CDKAL1: variants seen among roughly 807,000 people sequenced by gnomAD.
CDKAL1 encodes the protein threonylcarbamoyladenosine tRNA methylthiotransferase.
CDKAL1 carries 32 observed loss-of-function variants against 68.2 expected under a neutral mutation model. The ratio of observed to expected loss-of-function variants is 0.47; its 90% confidence interval spans 0.35 to 0.63. The LOEUF is 0.63. Ranked by LOEUF, CDKAL1 falls within the 30% of genes least tolerant of loss-of-function variation. The pLI is 0.00. For synonymous variants in CDKAL1, 234 were observed against 244.3 expected, an observed-to-expected ratio of 0.96 and a Z score of 0.39; for missense variants, 606 against 696.7, an observed-to-expected ratio of 0.87 and a Z score of 1.47.
intron 13 of CDKAL1, among the ~76,000 whole-genome samples, chr6:21,191,368 A>G (rs1011680485): frequency 7.9e-5 from 12 of 152,208 alleles, no homozygotes; most frequent in African/African-American, 2.9e-4. Context: ...GCACTTGGGA[A>G]ATTTAAGCAT....
rs148321222 is a variant in CDKAL1 at position 20,540,580 on chromosome 6, C to T, written c.-6+5186C>T. Among the ~76,000 whole-genome samples the T allele has an allele frequency of 4.2e-3, 632 of 151,940 alleles. 7 individuals are homozygous for T. Among genetic ancestry groups the T allele is most frequent in the African/African-American group, 0.014 (595 of 41,410 alleles). ...AAGCGGTTCTTCTGTTTCAGTCTCC[C>T]GAGTAGGTGGGATTGCAGGTGCCCA... On this transcript the variant is annotated intron_variant, in intron 2 of 15. Coordinates refer to ENST00000274695, the MANE Select transcript of CDKAL1 (RefSeq NM_017774.3).
At chr6:21,143,249 T>C (rs1276385088) in intron 13 of CDKAL1, among the ~76,000 whole-genome samples, 1 of 152,208 alleles carries the variant, frequency 6.6e-6, no homozygotes, top group East Asian at 1.9e-4. Context: ...ATACCCTAAA[T>C]TAGGAAAGTT....
intron 4 of CDKAL1, among the ~76,000 whole-genome samples, chr6:20,555,506 A>G (rs1763999399): frequency 6.6e-6 from 1 of 151,236 alleles, no homozygotes; most frequent in Non-Finnish European, 1.5e-5. Flanking sequence ...TTTTTAGTGG[A>G]GACGGGGTTT....
At chr6:21,192,718 T>C (rs931492733) in intron 13 of CDKAL1, among the ~76,000 whole-genome samples, 6 of 152,144 alleles carry the variant, frequency 3.9e-5, no homozygotes, top group Non-Finnish European at 8.8e-5. Flanking sequence ...CATCATTTTA[T>C]TTAACCAGCC....
At chr6:20,697,116 T>C (rs535820722) in intron 5 of CDKAL1, among the ~76,000 whole-genome samples, 1 of 152,278 alleles carries the variant, frequency 6.6e-6, no homozygotes, top group Non-Finnish European at 1.5e-5. Flanking sequence ...GCTGTTCTTT[T>C]CTAGGGCTGG....
At chr6:20,722,850 A>C (rs1046225841) in intron 5 of CDKAL1, among the ~76,000 whole-genome samples, 2 of 152,118 alleles carry the variant, frequency 1.3e-5, no homozygotes, top group Admixed American at 1.3e-4. Flanking sequence ...AGAGAGAGAC[A>C]GACAGCCAGA....
intron 10 of CDKAL1, among the ~76,000 whole-genome samples, chr6:20,966,930 A>T (rs940698420): frequency 6.6e-6 from 1 of 151,986 alleles, no homozygotes; most frequent in African/African-American, 2.4e-5. Context: ...TTCTTCCATT[A>T]TTGCGTTTGT....
At chr6:20,678,807 TTAAA>T (rs1273801122) in intron 5 of CDKAL1, among the ~76,000 whole-genome samples, 1 of 152,192 alleles carries the variant, frequency 6.6e-6, no homozygotes, top group East Asian at 1.9e-4. Context: ...GTTTTTTTCT[TTAAA>T]TAAATAAAGT....
At chr6:21,081,381 C>T (rs1164556773) in intron 12 of CDKAL1, among the ~76,000 whole-genome samples, 1 of 151,814 alleles carries the variant, frequency 6.6e-6, no homozygotes, top group Admixed American at 6.6e-5. Context: ...GATTACATAC[C>T]TTGTTTTATA....
intron 8 of CDKAL1, among the ~76,000 whole-genome samples, chr6:20,796,694 G>A (rs918534449): frequency 6.6e-6 from 1 of 152,148 alleles, no homozygotes; most frequent in East Asian, 1.9e-4. Flanking sequence ...ATGCAAATAT[G>A]GGCAGTTGAT....
At chr6:20,842,823 C>T (rs1158054151) in intron 8 of CDKAL1, among the ~76,000 whole-genome samples, 1 of 152,154 alleles carries the variant, frequency 6.6e-6, no homozygotes. Flanking sequence ...AGGAACGAAA[C>T]TCCGTCTCAA....
At chr6:20,858,051 T>G (rs760462668) in intron 9 of CDKAL1, among the ~76,000 whole-genome samples, 2 of 152,062 alleles carry the variant, frequency 1.3e-5, no homozygotes, top group Middle Eastern at 3.4e-3. Flanking sequence ...TAGAGATGGG[T>G]TTTTACCCTG....
At chr6:20,574,084 C>T (rs544559098) in intron 4 of CDKAL1, among the ~76,000 whole-genome samples, 1 of 152,168 alleles carries the variant, frequency 6.6e-6, no homozygotes, top group African/African-American at 2.4e-5. Context: ...TGAACATATT[C>T]GTTATTATTC....
At chr6:21,108,080 C>T (rs1026050394) in intron 12 of CDKAL1, among the ~76,000 whole-genome samples, 1 of 152,080 alleles carries the variant, frequency 6.6e-6, no homozygotes, top group East Asian at 1.9e-4. Context: ...AATTTTCTTT[C>T]GTTTTCAGTG....
intron 5 of CDKAL1, chr6:20,722,551 G>T: frequency 3.2e-6 from 1 of 316,964 alleles, no homozygotes; most frequent in Admixed American, 3.5e-5. Context: ...TGCTTACCCT[G>T]GGCACACATA....
intron 6 of CDKAL1, among the ~76,000 whole-genome samples, chr6:20,758,281 T>G (rs537569173): frequency 5.3e-5 from 8 of 151,836 alleles, no homozygotes; most frequent in African/African-American, 1.4e-4. Context: ...CATGTGTTAA[T>G]TAAACTTAAG....
At chr6:21,032,900 C>T (rs900461889) in intron 11 of CDKAL1, among the ~76,000 whole-genome samples, 9 of 152,106 alleles carry the variant, frequency 5.9e-5, no homozygotes, top group Admixed American at 1.3e-4. Flanking sequence ...TAATTCCTGG[C>T]CCATAGTAGT....
At chr6:20,835,631 T>G (rs1777906873) in intron 8 of CDKAL1, among the ~76,000 whole-genome samples, 1 of 152,142 alleles carries the variant, frequency 6.6e-6, no homozygotes, top group Non-Finnish European at 1.5e-5. Context: ...TGCTGCAACC[T>G]CTGCCTCCTG....
intron 11 of CDKAL1, among the ~76,000 whole-genome samples, chr6:21,057,266 A>C (rs1027667291): frequency 8.5e-5 from 13 of 152,284 alleles, no homozygotes; most frequent in African/African-American, 3.1e-4. Context: ...GTATGTGTCC[A>C]GGAATTTATC....
Sources: gnomAD v4.1 joint callset for allele counts (sites outside exome capture counted in the v4.1 genomes callset) on GRCh38, gnomAD v4.1.1 for gene constraint, MANE v1.5 for transcripts, NCBI Gene and HGNC (gene_info 2026-07-23, HGNC 2026-07-21) for gene names.